ST8SIA1: variants seen among roughly 807,000 people sequenced by gnomAD.
ST8SIA1 encodes the protein alpha-N-acetylneuraminide alpha-2,8-sialyltransferase.
A neutral mutation model predicts 35.9 loss-of-function variants in ST8SIA1; 16 were observed. The ratio of observed to expected loss-of-function variants is 0.45; its 90% confidence interval spans 0.30 to 0.68. The LOEUF is 0.68. ST8SIA1 is among the 30% of genes least tolerant of loss of function. ST8SIA1 has a pLI of 0.09. For missense variants in ST8SIA1, 383 were observed against 453.6 expected (o/e 0.84, Z 1.41); for synonymous variants, 170 against 169.6 (o/e 1.00, Z -0.02).
chr12:22,326,131 G>C (rs1233308025), intron 1 of ST8SIA1: 3 of 426,326 alleles, frequency 7.0e-6, no homozygotes, highest in Non-Finnish European at 1.2e-5. Context: ...GAGAACTGCT[G>C]TTAATTAGAT....
chr12:22,230,317 T>TC (rs1044172036), intron 4 of ST8SIA1, among the ~76,000 whole-genome samples: 5 of 152,310 alleles, frequency 3.3e-5, no homozygotes, highest in African/African-American at 1.2e-4. Context: ...TAAGAGCCTC[T>TC]AGTCTTAGAG....
At chr12:22,239,293 C>A (rs890944815) in intron 4 of ST8SIA1, among the ~76,000 whole-genome samples, 1 of 152,156 alleles carries the variant, frequency 6.6e-6, no homozygotes, top group African/African-American at 2.4e-5. Context: ...GAGTTCTTAT[C>A]CCTATTTTAT....
intron 4 of ST8SIA1, among the ~76,000 whole-genome samples, chr12:22,241,387 T>C (rs769465909): frequency 5.9e-5 from 9 of 151,988 alleles, no homozygotes; most frequent in Non-Finnish European, 1.2e-4. Context: ...GACCTGGCTG[T>C]TTAAGTGTGG....
chr12:22,254,558 A>G (rs952520431), intron 3 of ST8SIA1, among the ~76,000 whole-genome samples: 1 of 152,144 alleles, frequency 6.6e-6, no homozygotes, highest in Admixed American at 6.5e-5. Context: ...TCCTTATCCA[A>G]TCACTTGCTG....
intron 3 of ST8SIA1, among the ~76,000 whole-genome samples, 192 bp downstream of exon 3, chr12:22,255,088 T>G (rs1865714753): frequency 2.0e-5 from 3 of 152,182 alleles, no homozygotes; most frequent in Admixed American, 2.0e-4. Flanking sequence ...GCTTTGTCCT[T>G]TCTCGGGGCA....
At chr12:22,331,815 T>G (rs1866769570) in intron 1 of ST8SIA1, among the ~76,000 whole-genome samples, 1 of 152,222 alleles carries the variant, frequency 6.6e-6, no homozygotes, top group South Asian at 2.1e-4. Context: ...CCTGTAAATC[T>G]GGCAGGAGAA....
intron 4 of ST8SIA1, among the ~76,000 whole-genome samples, chr12:22,205,744 A>G (rs1865099846): frequency 1.3e-5 from 2 of 152,122 alleles, no homozygotes; most frequent in African/African-American, 2.4e-5. Context: ...CATCTCAATA[A>G]ATAAATAAAT....
intron 1 of ST8SIA1, among the ~76,000 whole-genome samples, chr12:22,307,961 A>C (rs1452519125): frequency 6.6e-6 from 1 of 152,156 alleles, no homozygotes; most frequent in African/African-American, 2.4e-5. Context: ...CCAAGAAAAA[A>C]AAATTTATTT....
intron 1 of ST8SIA1, among the ~76,000 whole-genome samples, chr12:22,293,212 A>G (rs996399125): frequency 6.6e-6 from 1 of 152,232 alleles, no homozygotes; most frequent in Non-Finnish European, 1.5e-5. Flanking sequence ...TAAAGTAGGC[A>G]TGTCTGTAGG....
At chr12:22,224,499 C>T (rs1374005523) in intron 4 of ST8SIA1, among the ~76,000 whole-genome samples, 2 of 151,732 alleles carry the variant, frequency 1.3e-5, no homozygotes, top group African/African-American at 2.4e-5. Context: ...TTAGTAGAGA[C>T]AGGGTTTTGC....
intron 1 of ST8SIA1, among the ~76,000 whole-genome samples, chr12:22,330,957 T>C (rs1866754925): frequency 6.6e-6 from 1 of 152,206 alleles, no homozygotes; most frequent in Non-Finnish European, 1.5e-5. Context: ...ATAGGATCTA[T>C]TGATTCCTTT....
At chr12:22,304,334 CTTTTT>C (rs3063802) in intron 1 of ST8SIA1, among the ~76,000 whole-genome samples, 102 of 106,246 alleles carry the variant, frequency 9.6e-4, no homozygotes, top group African/African-American at 2.8e-3. Context: ...TTTTCTTTTT[CTTTTT>C]TTTTTTTTTT....
chr12:22,262,699 G>C (rs761066948), intron 2 of ST8SIA1, among the ~76,000 whole-genome samples: 1 of 152,198 alleles, frequency 6.6e-6, no homozygotes, highest in Non-Finnish European at 1.5e-5. Context: ...GGATGCAACA[G>C]TAATTTTCAC....
chr12:22,315,207 T>C (rs548170080), intron 1 of ST8SIA1, among the ~76,000 whole-genome samples: 1 of 147,206 alleles, frequency 6.8e-6, no homozygotes, highest in Admixed American at 6.8e-5. Flanking sequence ...TCGTTGAATT[T>C]AAAAAAAAAA....
intron 1 of ST8SIA1, among the ~76,000 whole-genome samples, chr12:22,320,945 GAAAGAA>G (rs1254131687): frequency 1.1e-5 from 1 of 91,508 alleles, no homozygotes; most frequent in African/African-American, 4.2e-5. Flanking sequence ...AAGAAAGAAA[GAAAGAA>G]AGAAAGAGAA....
In ST8SIA1 at chr12:22,329,306, A is replaced by G. The variant is rs75876678; in HGVS notation, c.236+4691T>C. On this transcript the variant is annotated intron_variant, in intron 1 of 4. Transcript: ENST00000396037. ...TCTAAACCTCCATATCCTCATCTAT[A>G]AAACAAGGAACATACACAAACCTAC... Among the ~76,000 whole-genome samples, 1,312 of 152,298 alleles carry G rather than the reference A, an allele frequency of 8.6e-3. 20 individuals carry two copies. Among genetic ancestry groups the G allele is most frequent in the African/African-American group, 0.03 (1,261 of 41,548 alleles).
intron 4 of ST8SIA1, among the ~76,000 whole-genome samples, chr12:22,228,922 T>C (rs1865385744): frequency 1.3e-5 from 2 of 151,800 alleles, no homozygotes; most frequent in Non-Finnish European, 2.9e-5. Context: ...GGCATGGTGG[T>C]GGGCATTTGT....
At chr12:22,244,797 A>C (rs1865580940) in intron 4 of ST8SIA1, among the ~76,000 whole-genome samples, 1 of 152,218 alleles carries the variant, frequency 6.6e-6, no homozygotes, top group Admixed American at 6.5e-5. Context: ...TTTTGGTATA[A>C]GTTATGAGGT....
chr12:22,294,709 A>G (rs961425379), intron 1 of ST8SIA1, among the ~76,000 whole-genome samples: 2 of 152,238 alleles, frequency 1.3e-5, no homozygotes, highest in African/African-American at 4.8e-5. Flanking sequence ...AAGGGCAGAG[A>G]AAATTGAAAG....
Sources: allele counts gnomAD v4.1 joint callset (sites outside exome capture counted in the v4.1 genomes callset), GRCh38; gene constraint gnomAD v4.1.1; transcripts MANE v1.5; gene names NCBI Gene and HGNC (gene_info 2026-07-23, HGNC 2026-07-21).